LOXL2: variants seen among roughly 807,000 people sequenced by gnomAD.
LOXL2 encodes the protein lysyl oxidase homolog 2.
Under a neutral mutation model 93.0 loss-of-function variants are expected in LOXL2, and 70 were observed. The observed-to-expected ratio is 0.75, with a 90% confidence interval of 0.62 to 0.92. The LOEUF (loss-of-function observed/expected upper bound fraction) is 0.92, where lower values mean the gene tolerates loss of function less well. LOXL2 is among the 40% of genes least tolerant of loss of function. The pLI is 0.00. For missense variants in LOXL2, 973 were observed against 1,054.9 expected, an observed-to-expected ratio of 0.92 and a Z score of 1.08; for synonymous variants, 438 against 413.2, an observed-to-expected ratio of 1.06 and a Z score of -0.73.
At chr8:23,312,569 T>A (rs1367024309) in intron 9 of LOXL2, among the ~76,000 whole-genome samples, 3 of 137,606 alleles carry the variant, frequency 2.2e-5, no homozygotes, top group East Asian at 2.0e-4. Context: ...TCTCAATAGA[T>A]GCAGAAAAGG....
rs1563182422 is a variant in LOXL2, at chr8:23,297,981, G to A, written c.*62C>T. On this transcript the variant is annotated 3_prime_UTR_variant, in exon 14 of 14. Transcript: ENST00000389131. ...GGCATTCGTTCAGACTCAGTTGTTG[G>A]GGGGAAGTCCCATGGAAGATGTGGT... 1.4e-6 allele frequency: 2 copies of A among 1,412,490 alleles called. No individual in the cohort carries two copies. The highest frequency in any genetic ancestry group is 2.3e-5 in the East Asian group (1 of 43,600). 87.5% of individuals were successfully genotyped at this position (1,412,490 alleles called of 1,614,324 possible). A position where few individuals can be genotyped will look rare whatever the true frequency, so the allele number is the denominator to read the frequency against.
intron 3 of LOXL2, among the ~76,000 whole-genome samples, chr8:23,345,139 A>T (rs937972710): frequency 6.6e-6 from 1 of 152,252 alleles, no homozygotes; most frequent in African/African-American, 2.4e-5. Context: ...AGGTAAAAAC[A>T]TGATAAATCT....
At chr8:23,328,929 A>C in intron 5 of LOXL2, 1 of 199,362 alleles carries the variant, frequency 5.0e-6, no homozygotes, top group Non-Finnish European at 1.0e-5. Context: ...TCCCCCACCA[A>C]CTCCAGAGCC....
At position 23,368,721 on chromosome 8, in the gene LOXL2, G is replaced by A. The variant is rs115187020; in HGVS notation, c.-83-287C>T. Among the ~76,000 whole-genome samples, 935 of 152,192 alleles carry A rather than the reference G, an allele frequency of 6.1e-3. 10 individuals carry two copies. Among genetic ancestry groups the A allele is most frequent in the African/African-American group, 0.02 (817 of 41,524 alleles). On this transcript the variant is annotated intron_variant, in intron 1 of 13. Transcript: ENST00000389131. ...AGTTTTTTAAGACTACGGACATGCC[G>A]GCAGAGTTCTGCAGAACTAACAAAG...
At position 23,380,777 on chromosome 8, in the gene LOXL2, G is replaced by C. The variant is rs1173265204; in HGVS notation, c.-83-12343C>G. On this transcript the variant is annotated intron_variant, in intron 1 of 13. Coordinates refer to ENST00000389131, the MANE Select transcript of LOXL2 (RefSeq NM_002318.3). ...GCCTGTAATCCCAGCATTTTGGGAGGCTAAGGTGGCCAATCGCTTGAGGTC... is the reference window on the plus strand; with the variant it reads ...GCCTGTAATCCCAGCATTTTGGGAGCCTAAGGTGGCCAATCGCTTGAGGTC... Among the ~76,000 whole-genome samples, 6 of 152,130 alleles carry C rather than the reference G, an allele frequency of 3.9e-5. 1 individual carries two copies. The highest frequency in any genetic ancestry group is 1.4e-4 in the African/African-American group (6 of 41,416).
Position 23,348,886 on chromosome 8 carries a change from AAAAC to A in LOXL2, c.532-7687_532-7684del, listed in dbSNP as rs200053080. Among the ~76,000 whole-genome samples the A allele has an allele frequency of 2.3e-4, 34 of 149,938 alleles. No individual in the cohort carries two copies. The East Asian group carries it at 4.9e-3, about 22-fold the overall frequency. Reference sequence around the variant, plus strand: ...AGCAAGACTCCGTCTCAAAAAAAACAAAACAAACAAACAAAAAAACAACAACAGT... The same window carrying A: ...AGCAAGACTCCGTCTCAAAAAAAACAAAACAAACAAAAAAACAACAACAGT... On this transcript the variant is annotated intron_variant, in intron 3 of 13. Coordinates refer to ENST00000389131, the MANE Select transcript of LOXL2 (RefSeq NM_002318.3).
At position 23,322,330 on chromosome 8, in the gene LOXL2, T is replaced by TTCTGGAGTGGCAAGAAAG. The variant is rs1291231864; in HGVS notation, c.1151-67_1151-50dup. 9 of 1,571,838 alleles carry TTCTGGAGTGGCAAGAAAG rather than the reference T, an allele frequency of 5.7e-6. No individual in the cohort carries two copies. The Admixed American group carries it at 1.6e-4, about 27-fold the overall frequency. On this transcript the variant is annotated intron_variant, in intron 6 of 13. Transcript: ENST00000389131. ...TCTATGAAAGCTTTGGAAGGAAACT[T>TTCTGGAGTGGCAAGAAAG]TCTGGAGTGGCAAGAAAGCCCTGGA...
chr8:23,338,102 C>T (rs547300362), intron 4 of LOXL2, among the ~76,000 whole-genome samples: 1 of 152,168 alleles, frequency 6.6e-6, no homozygotes, highest in Non-Finnish European at 1.5e-5. Context: ...GGCAAGAGAG[C>T]GTGTGCAGGG....
intron 1 of LOXL2, among the ~76,000 whole-genome samples, chr8:23,381,357 C>T (rs543948076): frequency 7.9e-5 from 12 of 152,150 alleles, no homozygotes; most frequent in African/African-American, 2.9e-4. Flanking sequence ...ATTGCTGGGC[C>T]AAAGGGTTTG....
At chr8:23,311,153 T>TCTCCCC (rs1351649523) in intron 9 of LOXL2, among the ~76,000 whole-genome samples, 2 of 152,236 alleles carry the variant, frequency 1.3e-5, no homozygotes, top group East Asian at 1.9e-4. Context: ...CTGTCTCCCT[T>TCTCCCC]CTCCCCCTCC....
At chr8:23,355,629 C>G (rs1436433009) in intron 3 of LOXL2, among the ~76,000 whole-genome samples, 1 of 133,370 alleles carries the variant, frequency 7.5e-6, no homozygotes, top group African/African-American at 2.8e-5. Context: ...TTTTTTGAGA[C>G]AGGGTCTCGC....
At chr8:23,308,876 G>A (rs960621414) in intron 10 of LOXL2, among the ~76,000 whole-genome samples, 6 of 152,082 alleles carry the variant, frequency 3.9e-5, no homozygotes, top group South Asian at 2.1e-4. Flanking sequence ...GCACGGCTGC[G>A]TTTAGAGACC....
intron 10 of LOXL2, among the ~76,000 whole-genome samples, chr8:23,306,583 A>T (rs1803232434): frequency 6.6e-6 from 1 of 152,216 alleles, no homozygotes; most frequent in African/African-American, 2.4e-5. Flanking sequence ...GTGGGCTTTG[A>T]TCCTCCCAGG....
chr8:23,385,244 CTTTTTT>C (rs67050683), intron 1 of LOXL2, among the ~76,000 whole-genome samples: 4 of 132,782 alleles, frequency 3.0e-5, no homozygotes, highest in East Asian at 2.2e-4. Flanking sequence ...GATTTTTTTT[CTTTTTT>C]TTTTTTTTTT....
intron 3 of LOXL2, among the ~76,000 whole-genome samples, chr8:23,345,408 C>T (rs184801482): frequency 9.6e-4 from 146 of 152,338 alleles, no homozygotes; most frequent in Middle Eastern, 6.8e-3. Flanking sequence ...ATTGGAAGCC[C>T]AGCACCCCAT....
At chr8:23,354,567 A>C (rs1554480794) in intron 3 of LOXL2, among the ~76,000 whole-genome samples, 1 of 146,862 alleles carries the variant, frequency 6.8e-6, no homozygotes, top group Non-Finnish European at 1.5e-5. Flanking sequence ...CACAATACAC[A>C]TGCTGGTTGG....
intron 10 of LOXL2, among the ~76,000 whole-genome samples, chr8:23,305,909 T>C (rs1327788085): frequency 6.6e-6 from 1 of 151,968 alleles, no homozygotes; most frequent in Non-Finnish European, 1.5e-5. Flanking sequence ...TCTCCCGGGT[T>C]CAAGCAATTC....
At chr8:23,403,436 A>ACAGCTCCCGGGCG (rs1191884643) in intron 1 of LOXL2, among the ~76,000 whole-genome samples, 7 of 151,884 alleles carry the variant, frequency 4.6e-5, no homozygotes, top group Non-Finnish European at 8.8e-5. Flanking sequence ...AGTGGACGCT[A>ACAGCTCCCGGGCG]CAGCTCCCGG....
chr8:23,302,026 C>G lies in LOXL2; in HGVS notation c.2133+1G>C, dbSNP rs200988156. ...CTGGAACCCCTTCCCACCCACCTCACCTGGAACAGGTAGTCTCCAGGGGGC... is the reference window on the plus strand; with the variant it reads ...CTGGAACCCCTTCCCACCCACCTCAGCTGGAACAGGTAGTCTCCAGGGGGC... On this transcript the variant is annotated splice_donor_variant, in intron 12 of 13. Coordinates refer to ENST00000389131, the MANE Select transcript of LOXL2 (RefSeq NM_002318.3). LOFTEE classifies it high-confidence loss of function. 17 of 1,613,976 alleles carry G rather than the reference C, an allele frequency of 1.1e-5. No individual in the cohort carries two copies. Among genetic ancestry groups the G allele is most frequent in the Admixed American group, 8.3e-5 (5 of 60,000 alleles).
Sources: allele counts gnomAD v4.1 joint callset (sites outside exome capture counted in the v4.1 genomes callset), GRCh38; gene constraint gnomAD v4.1.1; transcripts MANE v1.5; gene names NCBI Gene and HGNC (gene_info 2026-07-23, HGNC 2026-07-21).